USP47: variants seen among roughly 807,000 people sequenced by gnomAD.
USP47 encodes the protein ubiquitin carboxyl-terminal hydrolase 47.
A neutral mutation model predicts 165.1 loss-of-function variants in USP47; 35 were observed. That is an observed-to-expected ratio of 0.21 (90% CI 0.16 to 0.28). The LOEUF (loss-of-function observed/expected upper bound fraction) is 0.28, where lower values mean the gene tolerates loss of function less well. USP47 is among the 10% of genes least tolerant of loss of function. The pLI is 1.00. For missense variants in USP47, 1,277 were observed against 1,607.4 expected (o/e 0.79, Z 3.52); for synonymous variants, 531 against 544.5 (o/e 0.98, Z 0.35).
chr11:11,864,188 C>T (rs1341341527), intron 1 of USP47, among the ~76,000 whole-genome samples: 1 of 151,750 alleles, frequency 6.6e-6, no homozygotes, highest in Non-Finnish European at 1.5e-5. Context: ...TTTTGTATTA[C>T]AAGAAAAATG....
intron 7 of USP47, among the ~76,000 whole-genome samples, chr11:11,904,934 T>C (rs1341300065): frequency 6.6e-6 from 1 of 152,154 alleles, no homozygotes; most frequent in Non-Finnish European, 1.5e-5. Context: ...GAATATATTA[T>C]TGTGAGAAGT....
intron 16 of USP47, among the ~76,000 whole-genome samples, chr11:11,934,937 A>G (rs971841805): frequency 6.6e-5 from 10 of 152,158 alleles, no homozygotes; most frequent in African/African-American, 2.4e-4. Flanking sequence ...AACCAATAAC[A>G]TAACTAAAAA....
intron 13 of USP47, among the ~76,000 whole-genome samples, 157 bp downstream of exon 13, chr11:11,930,277 C>T (rs1017901790): frequency 1.3e-5 from 2 of 152,148 alleles, no homozygotes; most frequent in African/African-American, 2.4e-5. Flanking sequence ...AGTTTGAACA[C>T]TGACATAGCC....
intron 1 of USP47, among the ~76,000 whole-genome samples, chr11:11,861,797 T>A (rs116007413): frequency 1.3e-3 from 202 of 152,304 alleles, no homozygotes; most frequent in African/African-American, 4.7e-3. Flanking sequence ...CTAGTTATGT[T>A]TTATTACTTG....
At position 11,959,759 on chromosome 11, in the gene USP47, C is replaced by T. The variant is rs973076884; in HGVS notation, c.*3584C>T. ...GCTCTGCCCCTTCCCCATCACAGCACTGCCCCTTTCCACCTCCTCACCAGC... is the reference window on the plus strand; with the variant it reads ...GCTCTGCCCCTTCCCCATCACAGCATTGCCCCTTTCCACCTCCTCACCAGC... On this transcript the variant is annotated 3_prime_UTR_variant, in exon 28 of 28. Transcript: ENST00000527733. 6.6e-6 allele frequency among the ~76,000 whole-genome samples: 1 copy of T among 152,148 alleles called. No homozygotes were observed. Among genetic ancestry groups the T allele is most frequent in the African/African-American group, 2.4e-5 (1 of 41,442 alleles).
At chr11:11,871,357 G>C (rs1251505518) in intron 1 of USP47, among the ~76,000 whole-genome samples, 3 of 151,680 alleles carry the variant, frequency 2.0e-5, no homozygotes, top group African/African-American at 7.3e-5. Flanking sequence ...GCAAAAATTA[G>C]CTGGGCATGG....
In USP47 at chr11:11,959,529, A is replaced by G. The variant is rs1490841188; in HGVS notation, c.*3354A>G. Among the ~76,000 whole-genome samples, 1 of 152,164 alleles carries G rather than the reference A, an allele frequency of 6.6e-6. No individual in the cohort carries two copies. Among genetic ancestry groups the G allele is most frequent in the African/African-American group, 2.4e-5 (1 of 41,434 alleles). ...CTAGGTTTAGTGTACATGAAATTGG[A>G]AGATGCTTCTTGATTGTAGTTCCCA... On this transcript the variant is annotated 3_prime_UTR_variant, in exon 28 of 28. Transcript: ENST00000527733.
rs146117886 is a variant in USP47, at chr11:11,874,683, C to T, written c.40-5494C>T. 4.0e-3 allele frequency among the ~76,000 whole-genome samples: 614 copies of T among 151,966 alleles called. 3 individuals carry two copies. The highest frequency in any genetic ancestry group is 0.014 in the African/African-American group (585 of 41,440). On this transcript the variant is annotated intron_variant, in intron 1 of 27. Transcript: ENST00000527733. ...CAAGCAATTCTCCTGCCTCAGCCTC[C>T]GGAGTAGCTGGGATTACAGGCATGC...
chr11:11,901,438 G>A (rs1328649433), intron 5 of USP47, among the ~76,000 whole-genome samples: 1 of 152,038 alleles, frequency 6.6e-6, no homozygotes, highest in African/African-American at 2.4e-5. Context: ...AAAGACTTTG[G>A]TGGGTACATT....
intron 16 of USP47, among the ~76,000 whole-genome samples, chr11:11,935,198 C>T (rs1854966286): frequency 1.3e-5 from 2 of 152,154 alleles, no homozygotes; most frequent in South Asian, 4.1e-4. Flanking sequence ...AATTGTTTGA[C>T]TATTTTAATT....
At chr11:11,931,672 A>AT (rs1424420750) in intron 14 of USP47, among the ~76,000 whole-genome samples, 1 of 152,128 alleles carries the variant, frequency 6.6e-6, no homozygotes, top group African/African-American at 2.4e-5. Context: ...ATGACATGAC[A>AT]TGGAATATTT....
At position 11,920,189 on chromosome 11, in the gene USP47, A is replaced by G; in HGVS notation, c.1003A>G (p.Ile335Val). ...EALHAFIQPEILDGPNQYFCE... is the reference protein window; with the variant it reads ...EALHAFIQPEVLDGPNQYFCE... The stretch of plus-strand genomic sequence containing the variant: ...ATTGCATGCATTTATTCAGCCAGAG[A>G]TTCTGGATGGCCCAAATCAGTATTT... The change falls in exon 9 of 28, where the codon ATT becomes GTT. Residue 335 changes from isoleucine (I) to valine (V), a missense_variant. Ile to Val is a conservative substitution (Grantham distance 29). Transcript: ENST00000527733. 1 of 1,606,434 alleles carries G rather than the reference A, an allele frequency of 6.2e-7. No homozygotes were observed. The highest frequency in any genetic ancestry group is 1.1e-5 in the South Asian group (1 of 89,692).
intron 18 of USP47, 152 bp from the exon 19 acceptor site, chr11:11,940,277 C>A: frequency 2.9e-6 from 2 of 701,750 alleles, no homozygotes; most frequent in South Asian, 3.4e-5. Context: ...TTTTTCCCTT[C>A]AATTATTCAA....
intron 3 of USP47, among the ~76,000 whole-genome samples, chr11:11,891,056 C>T (rs1851481632): frequency 6.6e-6 from 1 of 152,138 alleles, no homozygotes. Flanking sequence ...GGACTTAATA[C>T]CTAGGTGATG....
intron 1 of USP47, among the ~76,000 whole-genome samples, chr11:11,842,561 A>C (rs567867084): frequency 6.6e-6 from 1 of 152,338 alleles, no homozygotes; most frequent in African/African-American, 2.4e-5. Context: ...TTCAAAGAAA[A>C]CATTCTGGAA....
chr11:11,942,525 A>G lies in USP47; in HGVS notation c.2504A>G (p.Asp835Gly), dbSNP rs1300567638. The change falls in exon 20 of 28, where the codon GAC becomes GGC. Residue 835 changes from aspartate (D) to glycine (G), a missense_variant. Physicochemically the swap from Asp to Gly is moderately conservative, Grantham distance 94. Coordinates refer to ENST00000527733, the MANE Select transcript of USP47 (RefSeq NM_001282659.2). Reference protein sequence around the residue: ...AGGDSGNVDDDCERVKGPVGS... With the variant: ...AGGDSGNVDDGCERVKGPVGS... ...GGCGATTCTGGTAATGTGGATGATG[A>G]CTGTGAAAGAGTCAAAGGACCTGTA... 1.2e-6 allele frequency: 2 copies of G among 1,613,522 alleles called. No homozygotes were observed. The highest frequency in any genetic ancestry group is 2.7e-5 in the African/African-American group (2 of 74,908).
In USP47 at chr11:11,954,928, A is replaced by G. The variant is rs1028105772; in HGVS notation, c.3746A>G (p.Asp1249Gly). The change falls in exon 26 of 28, where the codon GAT (aspartate) becomes GGT (glycine). Residue 1249 changes from aspartate to glycine, a missense_variant. By Grantham distance (94) the Asp-to-Gly change is moderately conservative. Coordinates refer to ENST00000527733, the MANE Select transcript of USP47 (RefSeq NM_001282659.2). ...LSEISGIPLD[D>G]IEFAKGRGTF... is the part of the protein sequence containing the mutation. ...GAAATCAGTGGGATTCCTTTGGATGATATTGAATTTGCTAAGGTAAAGCCC... is the reference window on the plus strand; with the variant it reads ...GAAATCAGTGGGATTCCTTTGGATGGTATTGAATTTGCTAAGGTAAAGCCC... 5 of 1,613,774 alleles carry G rather than the reference A, an allele frequency of 3.1e-6. No individual in the cohort carries two copies. The highest frequency in any genetic ancestry group is 2.2e-5 in the South Asian group (2 of 91,076).
chr11:11,896,191 T>C (rs1851834325), intron 4 of USP47, among the ~76,000 whole-genome samples: 1 of 152,222 alleles, frequency 6.6e-6, no homozygotes, highest in African/African-American at 2.4e-5. Flanking sequence ...AATAAAGAGC[T>C]ATGGCAAAAA....
At chr11:11,919,570 A>G (rs1274724982) in intron 8 of USP47, among the ~76,000 whole-genome samples, 1 of 151,870 alleles carries the variant, frequency 6.6e-6, no homozygotes, top group African/African-American at 2.4e-5. Flanking sequence ...ACAATCCAGG[A>G]TCCTCATTAT....
Sources: allele counts gnomAD v4.1 joint callset (sites outside exome capture counted in the v4.1 genomes callset), GRCh38; gene constraint gnomAD v4.1.1; transcripts MANE v1.5; gene names NCBI Gene and HGNC (gene_info 2026-07-23, HGNC 2026-07-21).